Variants in USP3 observed in about 807,000 individuals in gnomAD.
The protein encoded by USP3 is ubiquitin carboxyl-terminal hydrolase 3.
Under a neutral mutation model 72.3 loss-of-function variants are expected in USP3, and 20 were observed. The observed-to-expected ratio is 0.28, with a 90% confidence interval of 0.19 to 0.40. The LOEUF is 0.40. Ranked by LOEUF, USP3 falls within the 10% of genes least tolerant of loss-of-function variation. USP3 has a pLI of 1.00. For missense variants in USP3, 479 were observed against 633.9 expected, an observed-to-expected ratio of 0.76 and a Z score of 2.62; for synonymous variants, 222 against 225.3, an observed-to-expected ratio of 0.99 and a Z score of 0.13.
chr15:63,590,989 T>C lies in USP3; in HGVS notation c.*163T>C, dbSNP rs1362797478. 11 of 828,570 alleles carry C rather than the reference T, an allele frequency of 1.3e-5. No homozygotes were observed. The highest frequency in any genetic ancestry group is 1.8e-5 in the African/African-American group (1 of 56,388). 51.3% of individuals were successfully genotyped at this position (828,570 alleles called of 1,614,324 possible). ...CTTACTGAACATGGGCACCAACTAA[T>C]TTTGTTGTTGTTCTACCAGAAAACC... On this transcript the variant is annotated 3_prime_UTR_variant, in exon 15 of 15. Transcript: ENST00000380324.
chr15:63,575,480 T>TG (rs1310813911), intron 11 of USP3, among the ~76,000 whole-genome samples: 1 of 152,170 alleles, frequency 6.6e-6, no homozygotes, highest in Non-Finnish European at 1.5e-5. Context: ...GTAGCACTGT[T>TG]GCTCAGGTCG....
At chr15:63,524,039 A>G (rs1286226119) in intron 1 of USP3, among the ~76,000 whole-genome samples, 1 of 152,156 alleles carries the variant, frequency 6.6e-6, no homozygotes, top group Non-Finnish European at 1.5e-5. Flanking sequence ...TGCTTTTGAA[A>G]ATTTGAAGGT....
intron 3 of USP3, among the ~76,000 whole-genome samples, chr15:63,546,135 A>G (rs1230155125): frequency 3.9e-5 from 6 of 152,140 alleles, no homozygotes; most frequent in Non-Finnish European, 5.9e-5. Flanking sequence ...AGTCCTGTGT[A>G]TATGAAGATG....
intron 3 of USP3, among the ~76,000 whole-genome samples, chr15:63,550,663 C>A (rs1207110163): frequency 1.3e-5 from 2 of 152,180 alleles, no homozygotes; most frequent in Non-Finnish European, 2.9e-5. Context: ...TGTAACTTTT[C>A]AAATGCTGAC....
chr15:63,535,936 T>G (rs1311090482), intron 2 of USP3, among the ~76,000 whole-genome samples: 2 of 152,244 alleles, frequency 1.3e-5, no homozygotes, highest in African/African-American at 4.8e-5. Context: ...TTCCACACAT[T>G]GGCTGCTTTC....
chr15:63,544,816 A>AGG lies in USP3; in HGVS notation c.284+7663_284+7664dup. 1.5e-6 allele frequency: 1 copy of AGG among 687,390 alleles called. No homozygotes were observed. The highest frequency in any genetic ancestry group is 2.7e-5 in the East Asian group (1 of 36,820). The allele number at this position is 687,390 out of a possible 1,614,324, so 42.6% of individuals were successfully genotyped here. On this transcript the variant is annotated intron_variant, in intron 3 of 14. Transcript: ENST00000380324. This position sits in a 1 kb window ranked among gnomAD's most constrained non-coding sequence, Gnocchi z 4.2. ...AAGTGAAAGGGAAGATTGGGAGGGA[A>AGG]GGGGTAGGAGATAAGAATATCTAAG...
At chr15:63,572,243 G>A (rs1232551952) in intron 9 of USP3, among the ~76,000 whole-genome samples, 1 of 152,172 alleles carries the variant, frequency 6.6e-6, no homozygotes, top group Non-Finnish European at 1.5e-5. Context: ...CCCAGAGGAA[G>A]TGATTACAAG....
chr15:63,550,634 A>G (rs561357559), intron 3 of USP3, among the ~76,000 whole-genome samples: 3 of 152,388 alleles, frequency 2.0e-5, no homozygotes, highest in Admixed American at 6.5e-5. Context: ...TCTAAAATTC[A>G]TCTAAAGCTA....
At position 63,544,736 on chromosome 15, in the gene USP3, A is replaced by AGTTCATGGTATATTG. The variant is rs775045530; in HGVS notation, c.284+7593_284+7594insTGGTTCATGGTATAT. On this transcript the variant is annotated intron_variant, in intron 3 of 14. Coordinates refer to ENST00000380324, the MANE Select transcript of USP3 (RefSeq NM_006537.4). The surrounding 1 kb of genome is among the most constrained non-coding windows in gnomAD (Gnocchi z 4.2). Reference sequence around the variant, plus strand: ...AATGGAAAATACCGAGGGGTAAGAGAGTTCATGGTATATGGGATGAAAGCT... The same window carrying AGTTCATGGTATATTG: ...AATGGAAAATACCGAGGGGTAAGAGAGTTCATGGTATATTGGTTCATGGTATATGGGATGAAAGCT... 4.4e-5 allele frequency: 31 copies of AGTTCATGGTATATTG among 701,988 alleles called. No individual in the cohort carries two copies. In the African/African-American group the frequency reaches 5.4e-4, roughly 12 times the overall value. 43.5% of individuals were successfully genotyped at this position (701,988 alleles called of 1,614,324 possible).
At position 63,544,387 on chromosome 15, in the gene USP3, A is replaced by G. The variant is rs1409375691; in HGVS notation, c.284+7231A>G. 3.3e-6 allele frequency: 1 copy of G among 301,894 alleles called. No homozygotes were observed. Among genetic ancestry groups the G allele is most frequent in the Non-Finnish European group, 6.2e-6 (1 of 160,862 alleles). The allele number at this position is 301,894 out of a possible 1,614,324, so 18.7% of individuals were successfully genotyped here. ...AGTTAATATGAGTGAGGTCTGGTAG[A>G]AAGAAAGTAACTTTATTAACCAAAA... is the stretch of plus-strand genomic sequence containing the variant. On this transcript the variant is annotated intron_variant, in intron 3 of 14. Coordinates refer to ENST00000380324, the MANE Select transcript of USP3 (RefSeq NM_006537.4). The surrounding 1 kb of genome is among the most constrained non-coding windows in gnomAD (Gnocchi z 4.2).
intron 11 of USP3, among the ~76,000 whole-genome samples, chr15:63,576,548 C>CT (rs1334284804): frequency 2.0e-5 from 3 of 152,194 alleles, no homozygotes; most frequent in Non-Finnish European, 2.9e-5. Context: ...CATGACACAG[C>CT]TTATAGATGG....
intron 3 of USP3, chr15:63,541,956 T>G: frequency 1.6e-6 from 1 of 643,214 alleles, no homozygotes; most frequent in Non-Finnish European, 1.9e-6. Flanking sequence ...CATGGCTTAC[T>G]GTATAAAGAT....
At chr15:63,558,309 C>G in intron 6 of USP3, 121 bp downstream of exon 6, 1 of 1,110,542 alleles carries the variant, frequency 9.0e-7, no homozygotes, top group South Asian at 1.4e-5. Context: ...CCTTAATTTC[C>G]TGTGCTTTTG....
chr15:63,529,378 C>T lies in USP3; in HGVS notation c.92-3269C>T, dbSNP rs969652948. Among the ~76,000 whole-genome samples the T allele has an allele frequency of 6.6e-6, 1 of 152,102 alleles. No homozygotes were observed. The highest frequency in any genetic ancestry group is 1.5e-5 in the Non-Finnish European group (1 of 68,008). On this transcript the variant is annotated intron_variant, in intron 1 of 14. Coordinates refer to ENST00000380324, the MANE Select transcript of USP3 (RefSeq NM_006537.4). This position sits in a 1 kb window ranked among gnomAD's most constrained non-coding sequence, Gnocchi z 4.2. Reference sequence around the variant, plus strand: ...GTGAACAATTCAGTGGCGTTTAGTACATCCACAATTGTTTTACAAGTACCA... The same window carrying T: ...GTGAACAATTCAGTGGCGTTTAGTATATCCACAATTGTTTTACAAGTACCA...
At chr15:63,580,821 CTTTT>C (rs1368970211) in intron 11 of USP3, among the ~76,000 whole-genome samples, 1 of 151,674 alleles carries the variant, frequency 6.6e-6, no homozygotes, top group African/African-American at 2.4e-5. Flanking sequence ...CTAGTAGACT[CTTTT>C]TGAGATGGAG....
chr15:63,537,644 C>A (rs911844449), intron 3 of USP3, among the ~76,000 whole-genome samples: 1 of 152,152 alleles, frequency 6.6e-6, no homozygotes, highest in Admixed American at 6.5e-5. Flanking sequence ...TTCTACTCCC[C>A]CAAAGGTGAA....
chr15:63,580,224 T>C (rs2066930870), intron 11 of USP3, among the ~76,000 whole-genome samples: 1 of 152,168 alleles, frequency 6.6e-6, no homozygotes, highest in South Asian at 2.1e-4. Context: ...AATATGTGTG[T>C]GGAATAATTC....
At chr15:63,512,351 TCC>T in intron 1 of USP3, among the ~76,000 whole-genome samples, 1 of 41,978 alleles carries the variant, frequency 2.4e-5, no homozygotes, top group Non-Finnish European at 7.4e-5. Flanking sequence ...TTCCTCCTCT[TCC>T]TCTTCTTCTT....
intron 11 of USP3, among the ~76,000 whole-genome samples, chr15:63,582,565 T>C (rs776034853): frequency 2.0e-5 from 3 of 152,240 alleles, no homozygotes; most frequent in Non-Finnish European, 2.9e-5. Flanking sequence ...ATCATGTCTA[T>C]TCCTTTTTGG....
Sources: gnomAD v4.1 joint callset for allele counts (sites outside exome capture counted in the v4.1 genomes callset) on GRCh38, gnomAD v4.1.1 for gene constraint, Gnocchi (gnomAD v3.1) non-coding constraint, MANE v1.5 for transcripts, NCBI Gene and HGNC (gene_info 2026-07-23, HGNC 2026-07-21) for gene names.